FARSB: variants seen among roughly 807,000 people sequenced by gnomAD.
FARSB encodes the protein phenylalanyl-tRNA synthetase subunit beta.
Under a neutral mutation model 69.6 loss-of-function variants are expected in FARSB, and 40 were observed. The ratio of observed to expected loss-of-function variants is 0.57; its 90% CI spans 0.45 to 0.75. FARSB has a LOEUF of 0.75. FARSB is among the 30% of genes least tolerant of loss of function. FARSB has a pLI of 0.00. For synonymous variants in FARSB, 235 were observed against 247.2 expected (o/e 0.95, Z 0.46); for missense variants, 632 against 722.9 (o/e 0.87, Z 1.44).
intron 16 of FARSB, among the ~76,000 whole-genome samples, chr2:222,576,779 CTTCCTCCTGGT>C (rs1689850439): frequency 6.6e-6 from 1 of 152,218 alleles, no homozygotes; most frequent in African/African-American, 2.4e-5. Context: ...AGAGGAGGAA[CTTCCTCCTGGT>C]TTCCCACTAG....
At chr2:222,600,933 A>G (rs1397462144) in intron 15 of FARSB, among the ~76,000 whole-genome samples, 1 of 152,250 alleles carries the variant, frequency 6.6e-6, no homozygotes, top group Non-Finnish European at 1.5e-5. Context: ...ACAAAGCATA[A>G]AAAAAGCAGA....
chr2:222,628,316 A>G (rs577340895), intron 10 of FARSB, among the ~76,000 whole-genome samples: 2 of 152,346 alleles, frequency 1.3e-5, no homozygotes, highest in South Asian at 2.1e-4. Flanking sequence ...TGTTCCCAAC[A>G]CAACAAAATA....
At chr2:222,621,577 CA>C (rs1202457839) in intron 13 of FARSB, among the ~76,000 whole-genome samples, 1 of 152,134 alleles carries the variant, frequency 6.6e-6, no homozygotes, top group Non-Finnish European at 1.5e-5. Context: ...TAGAAAAATA[CA>C]ACAAGTAAAT....
At chr2:222,615,157 G>C (rs191573388) in intron 14 of FARSB, among the ~76,000 whole-genome samples, 1 of 151,964 alleles carries the variant, frequency 6.6e-6, no homozygotes, top group Non-Finnish European at 1.5e-5. Context: ...TAAGCTATAC[G>C]GAATATATTA....
chr2:222,616,410 G>A (rs867240292), intron 14 of FARSB, among the ~76,000 whole-genome samples: 13 of 152,174 alleles, frequency 8.5e-5, no homozygotes, highest in South Asian at 2.1e-4. Context: ...AGCTGGGCGC[G>A]GCAGCGCGTG....
intron 6 of FARSB, among the ~76,000 whole-genome samples, chr2:222,633,862 A>G (rs1233657993): frequency 6.6e-6 from 1 of 152,232 alleles, no homozygotes; most frequent in Non-Finnish European, 1.5e-5. Context: ...TGCCTGAATC[A>G]TTTCAAAGGA....
chr2:222,580,494 CAAA>C (rs5838957), intron 16 of FARSB, among the ~76,000 whole-genome samples: 1 of 139,482 alleles, frequency 7.2e-6, no homozygotes, highest in Non-Finnish European at 1.6e-5. Context: ...GACAACATCT[CAAA>C]AAAAAAAAAA....
intron 3 of FARSB, 23 bp from the exon 4 acceptor site, chr2:222,640,954 T>G: frequency 1.8e-6 from 2 of 1,129,270 alleles, no homozygotes; most frequent in South Asian, 1.4e-5. Context: ...TTAAATGAAT[T>G]TACTCATAAT....
At chr2:222,586,806 A>C (rs12987162) in intron 16 of FARSB, among the ~76,000 whole-genome samples, 44,099 of 152,100 alleles carry the variant, frequency 0.29, 7,336 homozygotes, top group Non-Finnish European at 0.38. Context: ...AGAAGAGCTA[A>C]CTATCCTAAA....
Position 222,567,632 on chromosome 2 carries a change from T to A in FARSB, c.*4239A>T, listed in dbSNP as rs1298262083. ...CAACATGTTTTAAATTCAAAACACA[T>A]CCTTTGACCTAGCGACTTCTACATC... On this transcript the variant is annotated 3_prime_UTR_variant, in exon 17 of 17. Coordinates refer to ENST00000281828, the MANE Select transcript of FARSB (RefSeq NM_005687.5). 2.0e-5 allele frequency: 3 copies of A among 152,204 alleles called. No individual in the cohort carries two copies. The highest frequency in any genetic ancestry group is 7.2e-5 in the African/African-American group (3 of 41,446). The allele number at this position is 152,204 out of a possible 1,614,324, so 9.4% of individuals were successfully genotyped here.
At chr2:222,639,783 A>G in intron 4 of FARSB, 88 bp from the exon 5 acceptor site, 1 of 493,734 alleles carries the variant, frequency 2.0e-6, no homozygotes, top group Non-Finnish European at 3.6e-6. Context: ...CATTCTTGCC[A>G]CTGGCATACA....
At chr2:222,631,548 G>A (rs576078672) in intron 8 of FARSB, 56 bp downstream of exon 8, 29 of 953,626 alleles carry the variant, frequency 3.0e-5, no homozygotes, top group Middle Eastern at 2.1e-4. Context: ...GTCTTGGTCC[G>A]GAAATAAAAT....
chr2:222,654,706 G>A (rs1574960997), intron 1 of FARSB, among the ~76,000 whole-genome samples: 2 of 152,168 alleles, frequency 1.3e-5, no homozygotes, highest in African/African-American at 4.8e-5. Context: ...ATATCACATA[G>A]AGAATAGGTA....
At chr2:222,644,493 T>C (rs1691798233) in intron 2 of FARSB, 2 of 452,398 alleles carry the variant, frequency 4.4e-6, no homozygotes, top group African/African-American at 2.0e-5. Flanking sequence ...ATCAAAGGGG[T>C]TAATAAAATT....
chr2:222,604,205 G>A (rs1171524916), intron 15 of FARSB, among the ~76,000 whole-genome samples: 1 of 148,124 alleles, frequency 6.8e-6, no homozygotes, highest in African/African-American at 2.5e-5. Context: ...GCAACAGAGC[G>A]AGACTCCGTC....
In FARSB at chr2:222,567,401, A is replaced by G. The variant is rs1166487244; in HGVS notation, c.*4470T>C. The G allele has an allele frequency of 6.6e-6, 1 of 152,236 alleles. No individual in the cohort carries two copies. The highest frequency in any genetic ancestry group is 6.5e-5 in the Admixed American group (1 of 15,286). The allele number at this position is 152,236 out of a possible 1,614,324, so 9.4% of individuals were successfully genotyped here. On this transcript the variant is annotated 3_prime_UTR_variant, in exon 17 of 17. Coordinates refer to ENST00000281828, the MANE Select transcript of FARSB (RefSeq NM_005687.5). ...GTTTGCTTTTGGATAAAATGGACAG[A>G]AGGGCCAAAGTAAATACTCAAGTAT... is the stretch of plus-strand genomic sequence containing the variant.
intron 14 of FARSB, among the ~76,000 whole-genome samples, chr2:222,618,956 C>G (rs1393288380): frequency 6.6e-6 from 1 of 152,110 alleles, no homozygotes; most frequent in African/African-American, 2.4e-5. Context: ...GCCTCGCCAA[C>G]ATGGTGAAAC....
chr2:222,602,574 C>CTT (rs936199138), intron 15 of FARSB, among the ~76,000 whole-genome samples: 1 of 138,634 alleles, frequency 7.2e-6, no homozygotes, highest in African/African-American at 2.6e-5. Context: ...GGTGGCTTTT[C>CTT]TTTTTTTTTT....
chr2:222,581,099 C>A (rs1689957517), intron 16 of FARSB, among the ~76,000 whole-genome samples: 1 of 152,128 alleles, frequency 6.6e-6, no homozygotes. Flanking sequence ...GCATTCATTT[C>A]TCAAAAAGCC....
Sources: allele counts gnomAD v4.1 joint callset (sites outside exome capture counted in the v4.1 genomes callset), GRCh38; gene constraint gnomAD v4.1.1; transcripts MANE v1.5; gene names NCBI Gene and HGNC (gene_info 2026-07-23, HGNC 2026-07-21).